Variants in ARFGEF1 observed in about 807,000 individuals in gnomAD.
ARFGEF1 encodes brefeldin A-inhibited guanine nucleotide-exchange protein 1.
In ARFGEF1, 42 loss-of-function variants were observed where a neutral mutation model predicts 231.0. The observed-to-expected ratio is 0.18, with a 90% confidence interval of 0.14 to 0.24. The LOEUF (loss-of-function observed/expected upper bound fraction) is 0.24. Ranked by LOEUF, ARFGEF1 falls within the 10% of genes least tolerant of loss-of-function variation. ARFGEF1 has a pLI of 1.00. For synonymous variants in ARFGEF1, 710 were observed against 732.3 expected (o/e 0.97, Z 0.49); for missense variants, 1,345 against 2,192.0 (o/e 0.61, Z 7.72).
At chr8:67,323,905 A>G (rs535920893) in intron 1 of ARFGEF1, among the ~76,000 whole-genome samples, 1 of 151,274 alleles carries the variant, frequency 6.6e-6, no homozygotes, top group Non-Finnish European at 1.5e-5. Flanking sequence ...AGTTCATGCC[A>G]TTCTCCTGCC....
Position 67,191,298 on chromosome 8 carries a change from CTCTG to C in ARFGEF1, c.560+9094_560+9097del, listed in dbSNP as rs545710202. Among the ~76,000 whole-genome samples, 6 of 152,354 alleles carry C rather than the reference CTCTG, an allele frequency of 3.9e-5. No homozygotes were observed. In the East Asian group the frequency reaches 1.2e-3, roughly 29 times the overall value. On this transcript the variant is annotated intron_variant, in intron 5 of 5. Transcript: ENST00000518789. ...TAGGCAGCTTGGGCAATTTCTTAAACTCTGTGTGTGTTTCCTTATATATGACGTG... is the reference window on the plus strand; with the variant it reads ...TAGGCAGCTTGGGCAATTTCTTAAACTGTGTGTTTCCTTATATATGACGTG...
intron 5 of ARFGEF1, among the ~76,000 whole-genome samples, chr8:67,295,310 T>C (rs115948220): frequency 0.016 from 2,464 of 152,234 alleles, 71 homozygotes; most frequent in African/African-American, 0.057. Context: ...CCCAAAGATA[T>C]TTATTAATTG....
intron 10 of ARFGEF1, among the ~76,000 whole-genome samples, chr8:67,270,579 T>C (rs932488538): frequency 2.0e-5 from 3 of 151,796 alleles, no homozygotes; most frequent in South Asian, 2.1e-4. Context: ...TTCAAAACCA[T>C]ACAACATCAC....
chr8:67,193,010 G>C (rs1204398986), downstream of ARFGEF1, among the ~76,000 whole-genome samples: 1 of 152,194 alleles, frequency 6.6e-6, no homozygotes, highest in African/African-American at 2.4e-5. Flanking sequence ...AGAGTCATCT[G>C]AGCTTGCATG....
At chr8:67,292,195 A>G (rs1216772108) in intron 5 of ARFGEF1, 72 bp from the exon 6 acceptor site, 1 of 1,336,208 alleles carries the variant, frequency 7.5e-7, no homozygotes, top group Admixed American at 2.0e-5. Context: ...TGTTACCTCC[A>G]ACAATCCTTT....
chr8:67,175,550 C>A, exon 6 of ARFGEF1: 1 of 1,261,286 alleles, frequency 7.9e-7, no homozygotes, highest in Non-Finnish European at 1.1e-6. Context: ...CTGGCAGCCC[C>A]ATGCTCACAG....
chr8:67,295,124 AAATT>A (rs1436995869), intron 5 of ARFGEF1, among the ~76,000 whole-genome samples: 2 of 152,172 alleles, frequency 1.3e-5, no homozygotes, highest in African/African-American at 2.4e-5. Flanking sequence ...ATAAATAAAT[AAATT>A]AAGGGAGGAG....
Position 67,247,172 on chromosome 8 carries a change from A to C in ARFGEF1, c.2850+4127T>G, listed in dbSNP as rs113702048. ...GCTAAATTCTACCAAACATGTAAAG[A>C]ACTAATACGAATCCTATTCAAACTA... On this transcript the variant is annotated intron_variant, in intron 19 of 38. Coordinates refer to ENST00000262215, the MANE Select transcript of ARFGEF1 (RefSeq NM_006421.5). 1.4e-3 allele frequency among the ~76,000 whole-genome samples: 213 copies of C among 150,520 alleles called. 3 individuals are homozygous for C. Among genetic ancestry groups the C allele is most frequent in the South Asian group, 9.7e-3 (46 of 4,752 alleles).
chr8:67,227,626 C>G lies in ARFGEF1; in HGVS notation c.3592-28G>C, dbSNP rs537381818. The G allele has an allele frequency of 2.5e-6, 4 of 1,599,810 alleles. No homozygotes were observed. In the Admixed American group the frequency reaches 6.9e-5, roughly 28 times the overall value. ...GTAATGGCGACAGAAATAAACGATG[C>G]TAATTAATATCAGCAGTAAAAATCT... is the stretch of plus-strand genomic sequence containing the variant. On this transcript the variant is annotated intron_variant, in intron 25 of 38. Coordinates refer to ENST00000262215, the MANE Select transcript of ARFGEF1 (RefSeq NM_006421.5).
At chr8:67,204,400 G>GTGCCTCCCCA (rs1219944718) in intron 35 of ARFGEF1, among the ~76,000 whole-genome samples, 48 of 152,078 alleles carry the variant, frequency 3.2e-4, no homozygotes, top group African/African-American at 1.1e-3. Flanking sequence ...CTGCTTCCCC[G>GTGCCTCCCCA]TGCCTCCCCA....
chr8:67,177,070 CAAAAAAAAAAAAAA>C (rs36084458), intron 5 of ARFGEF1, among the ~76,000 whole-genome samples: 1 of 51,864 alleles, frequency 1.9e-5, no homozygotes, highest in South Asian at 6.9e-4. Context: ...GACTTAGTCT[CAAAAAAAAAAAAAA>C]AAAAAAAAAG....
At chr8:67,265,926 G>C in intron 14 of ARFGEF1, 80 bp downstream of exon 14, 1 of 1,311,336 alleles carries the variant, frequency 7.6e-7, no homozygotes, top group Non-Finnish European at 1.1e-6. Context: ...TCATTATAAG[G>C]TGATAAACCC....
At chr8:67,308,305 C>G (rs1252801323) in intron 1 of ARFGEF1, among the ~76,000 whole-genome samples, 1 of 152,076 alleles carries the variant, frequency 6.6e-6, no homozygotes, top group Admixed American at 6.6e-5. Context: ...GCGATGGACA[C>G]CTGGAATAGG....
At chr8:67,194,975 TAAAAAAAATAAA>T (rs957836176), downstream of ARFGEF1, among the ~76,000 whole-genome samples, 3 of 151,738 alleles carry the variant, frequency 2.0e-5, no homozygotes, top group Admixed American at 2.0e-4. Context: ...AACCTTGCTT[TAAAAAAAATAAA>T]AAGAAAAAAG....
chr8:67,335,499 A>T (rs1261007091), intron 1 of ARFGEF1, among the ~76,000 whole-genome samples: 1 of 152,204 alleles, frequency 6.6e-6, no homozygotes. Context: ...AACTTACTGG[A>T]ATTATAAAAG....
At chr8:67,335,100 A>AT (rs1808280597) in intron 1 of ARFGEF1, among the ~76,000 whole-genome samples, 2 of 150,020 alleles carry the variant, frequency 1.3e-5, no homozygotes, top group African/African-American at 5.0e-5. Flanking sequence ...TATCACGGTA[A>AT]ATTTTTTTTT....
intron 1 of ARFGEF1, 44 bp from the exon 2 acceptor site, chr8:67,302,510 C>T: frequency 1.4e-6 from 2 of 1,408,516 alleles, no homozygotes; most frequent in Non-Finnish European, 1.9e-6. Flanking sequence ...AACTGGACAG[C>T]AGAAAGACTG....
intron 22 of ARFGEF1, among the ~76,000 whole-genome samples, chr8:67,235,213 T>A (rs114023194): frequency 0.016 from 2,454 of 151,508 alleles, 70 homozygotes; most frequent in African/African-American, 0.057. Flanking sequence ...AAAAATGTCT[T>A]GGAATCCAAA....
At chr8:67,258,489 TA>T (rs1840535220) in intron 15 of ARFGEF1, among the ~76,000 whole-genome samples, 199 bp from the exon 16 acceptor site, 1 of 152,140 alleles carries the variant, frequency 6.6e-6, no homozygotes, top group African/African-American at 2.4e-5. Context: ...TGCGCCCAGC[TA>T]ATTTTTTTTG....
Sources: gnomAD v4.1 joint callset for allele counts (sites outside exome capture counted in the v4.1 genomes callset) on GRCh38, gnomAD v4.1.1 for gene constraint, MANE v1.5 for transcripts, NCBI Gene and HGNC (gene_info 2026-07-23, HGNC 2026-07-21) for gene names.